FBXO9: variants seen among roughly 807,000 people sequenced by gnomAD.
The protein encoded by FBXO9 is F-box protein 9, also known as F-box only protein 9.
In FBXO9, 43 loss-of-function variants were observed where a neutral mutation model predicts 63.7. That is an observed-to-expected ratio of 0.67 (90% confidence interval 0.53 to 0.87). The LOEUF (loss-of-function observed/expected upper bound fraction) is 0.87. Among genes scored for constraint, FBXO9 ranks in the 40% least tolerant of loss-of-function variants. The probability of loss-of-function intolerance (pLI) is 0.00; values close to 1 mark genes in which losing one functional copy is unlikely to be tolerated. For missense variants in FBXO9, 442 were observed against 533.2 expected, an observed-to-expected ratio of 0.83 and a Z score of 1.68; for synonymous variants, 156 against 171.7, an observed-to-expected ratio of 0.91 and a Z score of 0.72.
chr6:53,074,638 A>G (rs965013516), intron 3 of FBXO9, among the ~76,000 whole-genome samples: 3 of 152,228 alleles, frequency 2.0e-5, no homozygotes, highest in South Asian at 2.1e-4. Flanking sequence ...ATTCGTAACC[A>G]CTGGCAACCA....
At chr6:53,070,796 T>G (rs1318773434) in intron 1 of FBXO9, 3 of 409,064 alleles carry the variant, frequency 7.3e-6, no homozygotes, top group Non-Finnish European at 1.3e-5. Context: ...TGATGTTAAA[T>G]TTGGCGGGGG....
At chr6:53,090,739 G>C (rs1352042197) in intron 7 of FBXO9, among the ~76,000 whole-genome samples, 1 of 152,116 alleles carries the variant, frequency 6.6e-6, no homozygotes, top group Non-Finnish European at 1.5e-5. Flanking sequence ...GGAGTGCACT[G>C]ACACCATCAT....
In FBXO9 at chr6:53,093,565, G is replaced by T. The variant is rs370006191; in HGVS notation, c.959+4G>T. The T allele has an allele frequency of 1.1e-4, 171 of 1,609,242 alleles. No individual in the cohort carries two copies. In the African/African-American group the frequency reaches 2.1e-3, roughly 20 times the overall value. ...GTTTAAGAACTAGGAATACCAGGTA[G>T]CATTTGTTTTTTAAATGGCTTTCCA... On this transcript the variant is annotated splice_donor_region_variant and intron_variant, in intron 10 of 12. Coordinates refer to ENST00000323557, the MANE Select transcript of FBXO9 (RefSeq NM_033480.3).
At chr6:53,081,194 CT>C in intron 6 of FBXO9, 96 bp downstream of exon 6, 2 of 1,181,564 alleles carry the variant, frequency 1.7e-6, no homozygotes, top group Non-Finnish European at 1.2e-6. Flanking sequence ...ATAACTGCTG[CT>C]TTAGTTCAGA....
intron 1 of FBXO9, among the ~76,000 whole-genome samples, chr6:53,069,155 A>T (rs1261155564): frequency 6.6e-6 from 1 of 152,182 alleles, no homozygotes; most frequent in Non-Finnish European, 1.5e-5. Context: ...GGACAACTAA[A>T]TGTTACTATT....
At chr6:53,083,465 C>T (rs1204777324) in intron 7 of FBXO9, among the ~76,000 whole-genome samples, 2 of 152,110 alleles carry the variant, frequency 1.3e-5, no homozygotes, top group Non-Finnish European at 2.9e-5. Context: ...AATGGGAATA[C>T]ACATGCCATA....
At chr6:53,096,661 T>C (rs1488400886) in intron 12 of FBXO9, among the ~76,000 whole-genome samples, 2 of 152,018 alleles carry the variant, frequency 1.3e-5, no homozygotes, top group African/African-American at 4.8e-5. Context: ...TCCCAGGACT[T>C]TGGGGGGCCA....
intron 5 of FBXO9, 117 bp downstream of exon 5, chr6:53,079,015 C>A: frequency 1.8e-6 from 1 of 563,062 alleles, no homozygotes; most frequent in Admixed American, 4.1e-5. Flanking sequence ...TTTAGTATAT[C>A]TTTGTTTATA....
chr6:53,073,958 A>C (rs1249642549), intron 3 of FBXO9, among the ~76,000 whole-genome samples: 1 of 152,172 alleles, frequency 6.6e-6, no homozygotes, highest in African/African-American at 2.4e-5. Flanking sequence ...TATTAACAGA[A>C]CCAAAAAGAA....
Position 53,076,476 on chromosome 6 carries a change from A to AT in FBXO9, c.250-5dup. 6.6e-7 allele frequency: 1 copy of AT among 1,525,174 alleles called. No individual in the cohort carries two copies. The highest frequency in any genetic ancestry group is 8.7e-7 in the Non-Finnish European group (1 of 1,143,538). 94.5% of individuals were successfully genotyped at this position (1,525,174 alleles called of 1,614,324 possible). ...AGGTTTTCAAAAATTTTTACTTTAT[A>AT]TTTTTATAGGCTCGAGAACTCTTCC... On this transcript the variant is annotated splice_polypyrimidine_tract_variant and intron_variant, in intron 3 of 12. Coordinates refer to ENST00000323557, the MANE Select transcript of FBXO9 (RefSeq NM_033480.3).
chr6:53,095,201 T>C (rs991244256), intron 11 of FBXO9, among the ~76,000 whole-genome samples: 3 of 152,250 alleles, frequency 2.0e-5, no homozygotes, highest in African/African-American at 7.2e-5. Flanking sequence ...ATCTATGTAA[T>C]GTTGGTTACA....
chr6:53,075,729 A>G (rs1176041860), intron 3 of FBXO9, among the ~76,000 whole-genome samples: 4 of 120,560 alleles, frequency 3.3e-5, no homozygotes, highest in African/African-American at 1.2e-4. Flanking sequence ...ACATATATAT[A>G]TATAATTATT....
intron 4 of FBXO9, among the ~76,000 whole-genome samples, chr6:53,078,073 TAAAAAC>T (rs1306277492): frequency 2.0e-5 from 3 of 152,218 alleles, no homozygotes; most frequent in African/African-American, 4.8e-5. Context: ...AAGGATAATT[TAAAAAC>T]AAAAACAAAA....
intron 7 of FBXO9, among the ~76,000 whole-genome samples, chr6:53,087,341 CAAAAAA>C (rs58776188): frequency 2.1e-5 from 1 of 48,416 alleles, no homozygotes; most frequent in African/African-American, 7.3e-5. Context: ...GATCCTATCT[CAAAAAA>C]AAAAAAAAAA....
rs532372014 is a variant in FBXO9, at chr6:53,067,434, A to C, written c.3+1642A>C. ...TAAGCACAAGTGTTATGGGAACACA[A>C]AAATGTTGAAAAATGCTTCTGACTA... On this transcript the variant is annotated intron_variant, in intron 1 of 12. Coordinates refer to ENST00000323557, the MANE Select transcript of FBXO9 (RefSeq NM_033480.3). Among the ~76,000 whole-genome samples the C allele has an allele frequency of 3.5e-4, 53 of 152,310 alleles. 1 individual carries two copies. The highest frequency in any genetic ancestry group is 3.5e-3 in the Admixed American group (53 of 15,298).
chr6:53,079,020 T>C, intron 5 of FBXO9, 122 bp downstream of exon 5: 1 of 528,340 alleles, frequency 1.9e-6, no homozygotes, highest in South Asian at 4.7e-5. Flanking sequence ...TATATCTTTG[T>C]TTATAAAGTT....
intron 12 of FBXO9, among the ~76,000 whole-genome samples, chr6:53,097,392 T>A (rs1227984834): frequency 1.3e-5 from 2 of 152,126 alleles, no homozygotes; most frequent in Non-Finnish European, 2.9e-5. Flanking sequence ...CAGTGAAATA[T>A]CATCCTGCCA....
At chr6:53,097,146 T>TC (rs1763234047) in intron 12 of FBXO9, among the ~76,000 whole-genome samples, 1 of 151,958 alleles carries the variant, frequency 6.6e-6, no homozygotes, top group South Asian at 2.1e-4. Flanking sequence ...CCACCTACTT[T>TC]CCCTCCCCCC....
chr6:53,067,756 C>T (rs1446944168), intron 1 of FBXO9: 1 of 152,200 alleles, frequency 6.6e-6, no homozygotes, highest in East Asian at 1.9e-4. Flanking sequence ...TCTTTCATTA[C>T]ATATTTTCCT....
Sources: allele counts gnomAD v4.1 joint callset (sites outside exome capture counted in the v4.1 genomes callset), GRCh38; gene constraint gnomAD v4.1.1; transcripts MANE v1.5; gene names NCBI Gene and HGNC (gene_info 2026-07-23, HGNC 2026-07-21).